The following MAML3 variants were observed in gnomAD, a reference collection of about 807,000 sequenced individuals.
MAML3 encodes the protein mastermind-like protein 3.
A neutral mutation model predicts 101.9 loss-of-function variants in MAML3; 27 were observed. The ratio of observed to expected loss-of-function variants is 0.27; its 90% CI spans 0.20 to 0.37. MAML3 has a LOEUF of 0.37. Among genes scored for constraint, MAML3 ranks in the 10% least tolerant of loss-of-function variants. The pLI, the probability that MAML3 is intolerant of heterozygous loss-of-function variation, is 1.00. For missense variants in MAML3, 1,316 were observed against 1,444.9 expected (o/e 0.91, Z 1.45); for synonymous variants, 501 against 555.9 (o/e 0.90, Z 1.39).
chr4:139,720,523 TAC>T (rs1212714118), intron 4 of MAML3, among the ~76,000 whole-genome samples, 200 bp from the exon 5 acceptor site: 3 of 152,092 alleles, frequency 2.0e-5, no homozygotes, highest in South Asian at 2.1e-4. Context: ...TGTTAAAAAA[TAC>T]AGAGACAAAA....
chr4:139,748,859 A>G (rs1729410304), intron 2 of MAML3, among the ~76,000 whole-genome samples: 1 of 152,194 alleles, frequency 6.6e-6, no homozygotes, highest in African/African-American at 2.4e-5. Context: ...AAGGCCTGCA[A>G]ACTCAACCCG....
At chr4:139,936,051 G>T (rs555230239) in intron 1 of MAML3, among the ~76,000 whole-genome samples, 1 of 152,158 alleles carries the variant, frequency 6.6e-6, no homozygotes, top group Non-Finnish European at 1.5e-5. Flanking sequence ...CCGCCTCCCA[G>T]CCTCAGATAA....
chr4:139,765,976 G>A (rs984324291), intron 2 of MAML3, among the ~76,000 whole-genome samples: 2 of 152,084 alleles, frequency 1.3e-5, no homozygotes, highest in African/African-American at 4.8e-5. Context: ...AATACAGTGA[G>A]ACCCTCTCTC....
At chr4:139,943,910 G>A (rs1333102373) in intron 1 of MAML3, among the ~76,000 whole-genome samples, 5 of 96,578 alleles carry the variant, frequency 5.2e-5, no homozygotes, top group Non-Finnish European at 7.8e-5. Context: ...TTGTTCTGTC[G>A]CCCAGGCTGG....
At chr4:139,796,966 C>T (rs1730521574) in intron 2 of MAML3, among the ~76,000 whole-genome samples, 1 of 151,916 alleles carries the variant, frequency 6.6e-6, no homozygotes, top group South Asian at 2.1e-4. Flanking sequence ...ATTTAATTTC[C>T]CTTAAACTCA....
chr4:140,006,946 C>T (rs1382178773), intron 1 of MAML3, among the ~76,000 whole-genome samples: 1 of 152,118 alleles, frequency 6.6e-6, no homozygotes, highest in Non-Finnish European at 1.5e-5. Context: ...TGAATATAAA[C>T]TTGGTTATGT....
At chr4:140,152,808 A>G in intron 1 of MAML3, 52 bp downstream of exon 1, 2 of 1,466,238 alleles carry the variant, frequency 1.4e-6, no homozygotes, top group Non-Finnish European at 9.1e-7. Flanking sequence ...GCCCCCCACC[A>G]CCACCACCAC....
At chr4:139,837,493 A>G (rs922176674) in intron 2 of MAML3, among the ~76,000 whole-genome samples, 1 of 151,572 alleles carries the variant, frequency 6.6e-6, no homozygotes, top group African/African-American at 2.4e-5. Context: ...GCAAGACTCC[A>G]TCTCCAAAAC....
At chr4:139,926,324 C>T (rs1173168509) in intron 1 of MAML3, among the ~76,000 whole-genome samples, 1 of 152,052 alleles carries the variant, frequency 6.6e-6, no homozygotes, top group Non-Finnish European at 1.5e-5. Flanking sequence ...TAGGGCCAGG[C>T]GCAGTGGCTC....
At chr4:140,072,892 ACTT>A (rs1410899243) in intron 1 of MAML3, among the ~76,000 whole-genome samples, 1 of 152,114 alleles carries the variant, frequency 6.6e-6, no homozygotes, top group Non-Finnish European at 1.5e-5. Flanking sequence ...CTTCTTTGTC[ACTT>A]CTTCTGGGCT....
chr4:139,812,391 C>T (rs1730820558), intron 2 of MAML3, among the ~76,000 whole-genome samples: 1 of 152,206 alleles, frequency 6.6e-6, no homozygotes, highest in Non-Finnish European at 1.5e-5. Context: ...TCCCTCATCC[C>T]TCATTCCGTG....
intron 1 of MAML3, among the ~76,000 whole-genome samples, chr4:139,935,307 T>C (rs1733486957): frequency 6.6e-6 from 1 of 151,638 alleles, no homozygotes; most frequent in South Asian, 2.1e-4. Flanking sequence ...GTGCAATAAA[T>C]GATGCTTGGA....
chr4:140,053,098 G>C (rs974816231), intron 1 of MAML3, among the ~76,000 whole-genome samples: 1 of 152,124 alleles, frequency 6.6e-6, no homozygotes, highest in Non-Finnish European at 1.5e-5. Context: ...AGTCAATCAT[G>C]ATAAGAGACA....
At chr4:139,926,900 TA>T in intron 1 of MAML3, among the ~76,000 whole-genome samples, 1 of 152,318 alleles carries the variant, frequency 6.6e-6, no homozygotes, top group Admixed American at 6.5e-5. Context: ...GATGATCCCA[TA>T]TTGCATTTAG....
intron 4 of MAML3, among the ~76,000 whole-genome samples, chr4:139,721,079 G>A (rs546336405): frequency 5.3e-5 from 8 of 152,288 alleles, no homozygotes; most frequent in African/African-American, 1.7e-4. Context: ...ATCCTGCTAC[G>A]TGCGACTTGG....
chr4:139,807,670 C>T (rs117945474), intron 2 of MAML3, among the ~76,000 whole-genome samples: 17 of 152,316 alleles, frequency 1.1e-4, no homozygotes, highest in South Asian at 6.2e-4. Context: ...TGCTTTTACA[C>T]GTGAGCTACA....
chr4:139,852,871 T>C (rs964578256), intron 2 of MAML3, among the ~76,000 whole-genome samples: 13 of 152,214 alleles, frequency 8.5e-5, no homozygotes, highest in African/African-American at 3.1e-4. Context: ...ACACCTTAGG[T>C]TTGTCTCCTT....
intron 2 of MAML3, among the ~76,000 whole-genome samples, chr4:139,766,236 A>G (rs570686201): frequency 1.3e-5 from 2 of 151,832 alleles, no homozygotes; most frequent in African/African-American, 4.8e-5. Context: ...CAGTGGCATG[A>G]TCTCGGCTTA....
chr4:139,851,734 G>A (rs1347153253), intron 2 of MAML3, among the ~76,000 whole-genome samples: 1 of 152,230 alleles, frequency 6.6e-6, no homozygotes. Context: ...AGGAAAACAT[G>A]GCTATGCTTG....
Sources: gnomAD v4.1 joint callset for allele counts (sites outside exome capture counted in the v4.1 genomes callset) on GRCh38, gnomAD v4.1.1 for gene constraint, MANE v1.5 for transcripts, NCBI Gene and HGNC (gene_info 2026-07-23, HGNC 2026-07-21) for gene names.